Variants in PKP2 observed in about 807,000 individuals in gnomAD.
The protein encoded by PKP2 is plakophilin 2.
PKP2 carries 73 observed loss-of-function variants against 83.4 expected under a neutral mutation model. That is an observed-to-expected ratio of 0.88 (90% CI 0.72 to 1.06). The LOEUF (loss-of-function observed/expected upper bound fraction) is 1.06, where lower values mean the gene tolerates loss of function less well. Among genes scored for constraint, PKP2 ranks in the 50% least tolerant of loss-of-function variants. PKP2 has a pLI of 0.00. For synonymous variants in PKP2, 409 were observed against 430.4 expected (o/e 0.95, Z 0.62); for missense variants, 966 against 1,065.4 (o/e 0.91, Z 1.30).
chr12:32,810,322 G>T (rs1290915268), intron 9 of PKP2, among the ~76,000 whole-genome samples: 2 of 151,070 alleles, frequency 1.3e-5, no homozygotes, highest in African/African-American at 4.9e-5. Context: ...GATTGTGAAG[G>T]TCTATTTTTT....
At chr12:32,846,269 T>A (rs1395951350) in intron 5 of PKP2, among the ~76,000 whole-genome samples, 1 of 152,056 alleles carries the variant, frequency 6.6e-6, no homozygotes, top group East Asian at 1.9e-4. Flanking sequence ...GATGTGCCGT[T>A]CTCATTTCAA....
At chr12:32,824,733 T>C (rs1194140938) in intron 6 of PKP2, among the ~76,000 whole-genome samples, 1 of 152,204 alleles carries the variant, frequency 6.6e-6, no homozygotes, top group Admixed American at 6.5e-5. Flanking sequence ...ACAGAAAACA[T>C]GAGAGTTTGC....
At chr12:32,843,421 A>G (rs1365325816) in intron 5 of PKP2, 1 of 725,026 alleles carries the variant, frequency 1.4e-6, no homozygotes, top group Non-Finnish European at 2.2e-6. Flanking sequence ...CCTCCCCTGA[A>G]ATAAGAGCCT....
chr12:32,889,193 A>G (rs1957057014), intron 1 of PKP2, among the ~76,000 whole-genome samples: 1 of 152,196 alleles, frequency 6.6e-6, no homozygotes, highest in Non-Finnish European at 1.5e-5. Context: ...ACCAAGCAAG[A>G]TAAACTGCCT....
intron 6 of PKP2, among the ~76,000 whole-genome samples, chr12:32,834,976 C>CAT (rs3221355): frequency 8.4e-6 from 1 of 119,446 alleles, no homozygotes; most frequent in African/African-American, 3.1e-5. Context: ...TCACAATAGG[C>CAT]GTGTGTGTGT....
At chr12:32,818,202 G>A (rs1052531936) in intron 9 of PKP2, among the ~76,000 whole-genome samples, 3 of 152,136 alleles carry the variant, frequency 2.0e-5, no homozygotes, top group East Asian at 3.8e-4. Context: ...AGTGGCTCAC[G>A]CCTGTCCCCA....
chr12:32,797,159 G>A (rs1191995270), intron 10 of PKP2, among the ~76,000 whole-genome samples: 1 of 151,876 alleles, frequency 6.6e-6, no homozygotes, highest in African/African-American at 2.4e-5. Flanking sequence ...AATATTATTG[G>A]CCAGGTTCGG....
chr12:32,859,127 T>C (rs1057168458), intron 4 of PKP2, among the ~76,000 whole-genome samples: 3 of 152,238 alleles, frequency 2.0e-5, no homozygotes, highest in African/African-American at 7.2e-5. Flanking sequence ...GTTATAATTA[T>C]GTAATTTACT....
intron 4 of PKP2, among the ~76,000 whole-genome samples, chr12:32,864,941 A>T (rs1020508705): frequency 5.3e-5 from 8 of 152,168 alleles, no homozygotes; most frequent in African/African-American, 1.9e-4. Context: ...TGAAAGTAGG[A>T]TGTGGTTGAC....
At chr12:32,812,429 T>A (rs991717112) in intron 9 of PKP2, among the ~76,000 whole-genome samples, 2 of 152,184 alleles carry the variant, frequency 1.3e-5, no homozygotes, top group Admixed American at 6.5e-5. Context: ...TATTTACTGG[T>A]TGATGATTAG....
In PKP2 at chr12:32,878,132, G is replaced by C; in HGVS notation, c.748C>G (p.Arg250Gly). ...TTCTCCAAGAGGTTGCCCATGCTGC[G>C]GCTGGTCCCTGGCCTGGGGTACGTG... ...LLTYPRPGTS[R>G]SMGNLLEKEN... Residue 250 changes from arginine to glycine, a missense_variant, in exon 3 of 13, where the codon CGC becomes GGC. By Grantham distance (125) the Arg-to-Gly change is moderately radical. Coordinates refer to ENST00000340811, the MANE Select transcript of PKP2 (RefSeq NM_001005242.3). 1 of 1,614,222 alleles carries C rather than the reference G, an allele frequency of 6.2e-7. No homozygotes were observed. The highest frequency in any genetic ancestry group is 8.5e-7 in the Non-Finnish European group (1 of 1,180,030).
At chr12:32,804,370 T>C (rs1956206230) in intron 9 of PKP2, among the ~76,000 whole-genome samples, 1 of 152,172 alleles carries the variant, frequency 6.6e-6, no homozygotes, top group Non-Finnish European at 1.5e-5. Context: ...GGTTAATGTG[T>C]ACCATGGTGG....
intron 9 of PKP2, among the ~76,000 whole-genome samples, chr12:32,808,775 C>T (rs570011110): frequency 9.9e-5 from 15 of 152,242 alleles, no homozygotes; most frequent in Non-Finnish European, 1.9e-4. Context: ...CTCTTAGCAA[C>T]CACAGGGCTG....
At position 32,878,410 on chromosome 12, in the gene PKP2, T is replaced by G; in HGVS notation, c.470A>C (p.Glu157Ala). 2.5e-6 allele frequency: 4 copies of G among 1,613,944 alleles called. No individual in the cohort carries two copies. The highest frequency in any genetic ancestry group is 3.4e-6 in the Non-Finnish European group (4 of 1,179,872). Residue 157 changes from glutamate to alanine, a missense_variant, in exon 3 of 13, where the codon GAG becomes GCG. Coordinates refer to ENST00000340811, the MANE Select transcript of PKP2 (RefSeq NM_001005242.3). ...RLEISPDSSP[E>A]RAHYTHSDYQ... ...ATCGCTGTGCGTGTAGTGAGCCCTC[T>G]CCGGGCTGCTGTCAGGAGAAATCTC...
chr12:32,825,053 A>T (rs866007426), intron 6 of PKP2, among the ~76,000 whole-genome samples: 18 of 152,260 alleles, frequency 1.2e-4, no homozygotes, highest in Admixed American at 8.5e-4. Context: ...ACCTCAGTCA[A>T]CAAGAATGAC....
chr12:32,827,148 C>T (rs1216460136), intron 6 of PKP2, among the ~76,000 whole-genome samples: 4 of 152,276 alleles, frequency 2.6e-5, no homozygotes, highest in South Asian at 4.1e-4. Context: ...TGTTTAACTC[C>T]GGGGTGTTTA....
intron 4 of PKP2, among the ~76,000 whole-genome samples, chr12:32,858,103 A>ATATATATATATATATATT (rs1956769126): frequency 5.3e-5 from 5 of 94,584 alleles, no homozygotes; most frequent in African/African-American, 2.5e-4. Context: ...ATATATATAT[A>ATATATATATATATATATT]TATATATATA....
chr12:32,822,373 T>C, intron 8 of PKP2, 94 bp downstream of exon 8: 1 of 1,045,210 alleles, frequency 9.6e-7, no homozygotes, highest in South Asian at 1.3e-5. Context: ...ATAGTGCCGA[T>C]ATATACCAAG....
intron 9 of PKP2, among the ~76,000 whole-genome samples, chr12:32,812,214 T>G (rs1282198534): frequency 6.6e-6 from 1 of 151,642 alleles, no homozygotes; most frequent in Non-Finnish European, 1.5e-5. Flanking sequence ...GTATAACATT[T>G]TCAACGCATG....
Sources: gnomAD v4.1 joint callset for allele counts (sites outside exome capture counted in the v4.1 genomes callset) on GRCh38, gnomAD v4.1.1 for gene constraint, MANE v1.5 for transcripts, NCBI Gene and HGNC (gene_info 2026-07-23, HGNC 2026-07-21) for gene names.